Variants in SNX30 observed in about 807,000 individuals in gnomAD.
SNX30 encodes the protein sorting nexin family member 30.
Under a neutral mutation model 46.4 loss-of-function variants are expected in SNX30, and 24 were observed. That is an observed-to-expected ratio of 0.52 (90% CI 0.37 to 0.73). The LOEUF (loss-of-function observed/expected upper bound fraction) is 0.73. Ranked by LOEUF, SNX30 falls within the 30% of genes least tolerant of loss-of-function variation. The probability of loss-of-function intolerance (pLI) is 0.00; values close to 1 mark genes in which losing one functional copy is unlikely to be tolerated. For synonymous variants in SNX30, 189 were observed against 211.5 expected (o/e 0.89, Z 0.92); for missense variants, 533 against 555.7 (o/e 0.96, Z 0.41).
intron 1 of SNX30, among the ~76,000 whole-genome samples, chr9:112,786,485 T>A (rs1839929180): frequency 6.6e-6 from 1 of 151,944 alleles, no homozygotes; most frequent in Admixed American, 6.6e-5. Flanking sequence ...CTGTAAGAGT[T>A]TTTTTTTCCT....
chr9:112,836,289 G>A lies in SNX30; in HGVS notation c.694G>A (p.Gly232Ser), dbSNP rs376595907. ...CGAGTCAGTCAAGCACGTCACTGGC[G>A]GCTACAAGCTGAGGACTCGGCCGCT... Reference protein sequence around the residue: ...MGESVKHVTGGYKLRTRPLEF... With the variant: ...MGESVKHVTGSYKLRTRPLEF... Residue 232 changes from glycine (G) to serine (S), a missense_variant, in exon 5 of 9, where the codon GGC (glycine) becomes AGC (serine). Gly to Ser is a moderately conservative substitution (Grantham distance 56, BLOSUM62 0). Coordinates refer to ENST00000374232, the MANE Select transcript of SNX30 (RefSeq NM_001012994.2). 91 of 1,613,260 alleles carry A rather than the reference G, an allele frequency of 5.6e-5. No homozygotes were observed. The East Asian group carries it at 1.4e-3, about 26-fold the overall frequency.
chr9:112,884,462 T>C (rs1201125563), downstream of SNX30, among the ~76,000 whole-genome samples: 2 of 152,218 alleles, frequency 1.3e-5, no homozygotes, highest in Admixed American at 6.5e-5. Flanking sequence ...CTTTAGTGAC[T>C]TTGCGGAAAG....
intron 6 of SNX30, among the ~76,000 whole-genome samples, chr9:112,848,486 C>T (rs1041786145): frequency 1.3e-5 from 2 of 152,214 alleles, no homozygotes; most frequent in African/African-American, 2.4e-5. Flanking sequence ...TGCTGGAAGG[C>T]AGCAGGAACA....
chr9:112,820,282 T>C (rs1242485441), intron 3 of SNX30, among the ~76,000 whole-genome samples: 1 of 152,154 alleles, frequency 6.6e-6, no homozygotes, highest in Non-Finnish European at 1.5e-5. Context: ...GGAGATTTAA[T>C]ATGGGAGAGC....
chr9:112,752,332 G>A (rs1839290770), intron 1 of SNX30, among the ~76,000 whole-genome samples: 1 of 152,158 alleles, frequency 6.6e-6, no homozygotes, highest in Non-Finnish European at 1.5e-5. Flanking sequence ...AAAGCTAATG[G>A]AGGCCAGGTG....
At chr9:112,835,789 C>T (rs1013790805) in intron 4 of SNX30, among the ~76,000 whole-genome samples, 5 of 152,170 alleles carry the variant, frequency 3.3e-5, no homozygotes, top group Non-Finnish European at 7.4e-5. Context: ...ACCCTTTACT[C>T]CCCTTATATG....
downstream of SNX30, chr9:112,879,719 C>A: frequency 6.4e-7 from 1 of 1,572,456 alleles, no homozygotes; most frequent in Non-Finnish European, 8.7e-7. Flanking sequence ...CTTCTGGGGG[C>A]CTGGCCATGG....
intron 6 of SNX30, 106 bp downstream of exon 6, chr9:112,838,803 C>T: frequency 9.1e-7 from 1 of 1,095,524 alleles, no homozygotes; most frequent in East Asian, 2.5e-5. Flanking sequence ...TTTCCTTCTT[C>T]CTGGGTGGGC....
At chr9:112,783,679 G>A (rs1839879059) in intron 1 of SNX30, among the ~76,000 whole-genome samples, 1 of 152,196 alleles carries the variant, frequency 6.6e-6, no homozygotes, top group Non-Finnish European at 1.5e-5. Context: ...GAACACTCAG[G>A]CCAGGTGTCA....
At chr9:112,819,451 G>A (rs1189976744) in intron 3 of SNX30, among the ~76,000 whole-genome samples, 1 of 151,778 alleles carries the variant, frequency 6.6e-6, no homozygotes, top group Non-Finnish European at 1.5e-5. Flanking sequence ...ATTTTTAGTG[G>A]AGATGAGATT....
chr9:112,872,331 G>A lies in SNX30; in HGVS notation c.*3488G>A, dbSNP rs1841459184. The A allele has an allele frequency of 6.6e-6, 1 of 152,246 alleles. No homozygotes were observed. Among genetic ancestry groups the A allele is most frequent in the South Asian group, 2.1e-4 (1 of 4,836 alleles). The allele number at this position is 152,246 out of a possible 1,614,324, so 9.4% of individuals were successfully genotyped here. On this transcript the variant is annotated 3_prime_UTR_variant, in exon 9 of 9. Transcript: ENST00000374232. ...GGGATGGCAGCCCGAGGAACATCCA[G>A]AGTTACTGTGTGACTTGGTCCTGCC...
chr9:112,761,523 C>A (rs947751300), intron 1 of SNX30, among the ~76,000 whole-genome samples: 1 of 151,940 alleles, frequency 6.6e-6, no homozygotes, highest in Admixed American at 6.6e-5. Flanking sequence ...AAAGACCAGC[C>A]GTGAAAGAGG....
At chr9:112,829,863 T>G (rs1037796927) in intron 3 of SNX30, among the ~76,000 whole-genome samples, 1 of 152,236 alleles carries the variant, frequency 6.6e-6, no homozygotes, top group East Asian at 1.9e-4. Context: ...CATCTTTTCA[T>G]GTGCTTCTTA....
chr9:112,769,712 TC>T (rs1273251883), intron 1 of SNX30, among the ~76,000 whole-genome samples: 1 of 152,110 alleles, frequency 6.6e-6, no homozygotes, highest in Non-Finnish European at 1.5e-5. Context: ...CTGCATGGTG[TC>T]CCTAAGCAAT....
intron 4 of SNX30, among the ~76,000 whole-genome samples, chr9:112,833,684 C>G (rs1345186797): frequency 6.6e-6 from 1 of 152,138 alleles, no homozygotes; most frequent in Admixed American, 6.5e-5. Context: ...TTTCAAAGCT[C>G]TACTTGAAGC....
Position 112,869,084 on chromosome 9 carries a change from A to T in SNX30, c.*241A>T. 1.9e-6 allele frequency: 1 copy of T among 535,664 alleles called. No homozygotes were observed. The allele number at this position is 535,664 out of a possible 1,614,324, so 33.2% of individuals were successfully genotyped here. A position where few individuals can be genotyped will look rare whatever the true frequency, so the allele number is the denominator to read the frequency against. ...AGAGCAGCATACCTCCATGTTGTGA[A>T]GGCATCTGTTCAGTGAAGCACTACG... is the stretch of plus-strand genomic sequence containing the variant. On this transcript the variant is annotated 3_prime_UTR_variant, in exon 9 of 9. Transcript: ENST00000374232.
In SNX30 at chr9:112,805,009, G is replaced by A. The variant is rs775500785; in HGVS notation, c.348+42G>A. 1.3e-5 allele frequency: 19 copies of A among 1,480,128 alleles called. No individual in the cohort carries two copies. In the African/African-American group the frequency reaches 1.4e-4, roughly 11 times the overall value. The allele number at this position is 1,480,128 out of a possible 1,614,324, so 91.7% of individuals were successfully genotyped here. On this transcript the variant is annotated intron_variant, in intron 2 of 8. Coordinates refer to ENST00000374232, the MANE Select transcript of SNX30 (RefSeq NM_001012994.2). ...TAGAATGCCCGTGTTGAGTGGTCTCGGGGAATTGGGGTCTACCTCAGTGAA... is the reference window on the plus strand; with the variant it reads ...TAGAATGCCCGTGTTGAGTGGTCTCAGGGAATTGGGGTCTACCTCAGTGAA...
intron 7 of SNX30, among the ~76,000 whole-genome samples, chr9:112,860,621 G>A (rs1448876597): frequency 6.6e-6 from 1 of 152,198 alleles, no homozygotes; most frequent in Non-Finnish European, 1.5e-5. Flanking sequence ...CACAACCCCA[G>A]TTCCAGGATG....
intron 1 of SNX30, among the ~76,000 whole-genome samples, chr9:112,793,382 C>T (rs980399016): frequency 6.6e-6 from 1 of 152,080 alleles, no homozygotes; most frequent in Non-Finnish European, 1.5e-5. Context: ...ACCCATCATG[C>T]GGGGGGAGAA....
Sources: gnomAD v4.1 joint callset for allele counts (sites outside exome capture counted in the v4.1 genomes callset) on GRCh38, gnomAD v4.1.1 for gene constraint, MANE v1.5 for transcripts, NCBI Gene and HGNC (gene_info 2026-07-23, HGNC 2026-07-21) for gene names.